The following RNF41 variants were observed in gnomAD, a reference collection of about 807,000 sequenced individuals.
The protein encoded by RNF41 is ring finger protein 41.
Under a neutral mutation model 33.0 loss-of-function variants are expected in RNF41, and 4 were observed. The observed-to-expected ratio is 0.12, with a 90% confidence interval of 0.06 to 0.28. The LOEUF is 0.28. RNF41 is among the 10% of genes least tolerant of loss of function. The pLI is 1.00. For missense variants in RNF41, 228 were observed against 432.6 expected (o/e 0.53, Z 4.19); for synonymous variants, 164 against 153.2 (o/e 1.07, Z -0.52).
chr12:56,207,199 A>C (rs1388052455), intron 6 of RNF41: 2 of 1,329,634 alleles, frequency 1.5e-6, no homozygotes. Context: ...AGGACTCCAG[A>C]ACTGAAAGAG....
chr12:56,217,392 T>A (rs1230986485), intron 1 of RNF41, among the ~76,000 whole-genome samples: 9 of 150,808 alleles, frequency 6.0e-5, no homozygotes, highest in Non-Finnish European at 1.3e-4. Context: ...ACTAAAAATA[T>A]AAAAATTAGC....
chr12:56,211,437 G>C (rs568086213), intron 3 of RNF41, among the ~76,000 whole-genome samples: 4 of 151,862 alleles, frequency 2.6e-5, no homozygotes, highest in Non-Finnish European at 5.9e-5. Flanking sequence ...ATAACAATAA[G>C]AGATACAAAT....
Position 56,210,506 on chromosome 12 carries a change from C to G in RNF41, c.153G>C (p.Gln51His). The G allele has an allele frequency of 6.2e-7, 1 of 1,614,160 alleles. No individual in the cohort carries two copies. Among genetic ancestry groups the G allele is most frequent in the Non-Finnish European group, 8.5e-7 (1 of 1,180,038 alleles). ...CAACACTACGGTCCACTGGACATGT[C>G]TGTTGCTGAGAGAACCACTGGGTGA... ...ACITQWFSQQ[Q>H]TCPVDRSVVT... Residue 51 changes from glutamine (Q) to histidine (H), a missense_variant, in exon 4 of 7, where the codon CAG becomes CAC. Transcript: ENST00000345093.
chr12:56,207,503 CCT>C, intron 6 of RNF41, 141 bp downstream of exon 6: 1 of 778,106 alleles, frequency 1.3e-6, no homozygotes, highest in Non-Finnish European at 2.3e-6. Context: ...CTCCTCTGCC[CCT>C]GTCCTTAATG....
At chr12:56,214,427 G>A (rs1482251246) in intron 2 of RNF41, among the ~76,000 whole-genome samples, 1 of 151,562 alleles carries the variant, frequency 6.6e-6, no homozygotes, top group Non-Finnish European at 1.5e-5. Context: ...GGCTGAGGCA[G>A]GAGAAGCATT....
chr12:56,207,018 G>GTC, intron 6 of RNF41: 1 of 1,144,948 alleles, frequency 8.7e-7, no homozygotes, highest in Non-Finnish European at 1.2e-6. Context: ...TCTGCACTCT[G>GTC]TCTCTGTTAC....
chr12:56,216,302 G>C (rs1868888741), intron 2 of RNF41, 127 bp downstream of exon 2: 1 of 152,316 alleles, frequency 6.6e-6, no homozygotes, highest in Admixed American at 6.5e-5. Context: ...AAATGGTACA[G>C]ATTAATCACA....
chr12:56,210,719 G>C, intron 3 of RNF41, 151 bp from the exon 4 acceptor site: 1 of 743,788 alleles, frequency 1.3e-6, no homozygotes. Context: ...GATCTACTAC[G>C]GGCAAGGCAT....
chr12:56,209,749 G>A (rs894279084), intron 4 of RNF41, among the ~76,000 whole-genome samples: 6 of 152,164 alleles, frequency 3.9e-5, no homozygotes, highest in South Asian at 2.1e-4. Flanking sequence ...GAGCCACCGC[G>A]CCCGGCCCCA....
At chr12:56,221,544 C>T (rs1869441829) in intron 1 of RNF41, 1 of 152,586 alleles carries the variant, frequency 6.6e-6, no homozygotes, top group South Asian at 2.1e-4. Context: ...CTCCCCTATT[C>T]CAATGGACCT....
Position 56,206,446 on chromosome 12 carries a change from CTT to C in RNF41, c.953_954del (p.Ter318=). 1 of 1,606,686 alleles carries C rather than the reference CTT, an allele frequency of 6.2e-7. No individual in the cohort carries two copies. Among genetic ancestry groups the C allele is most frequent in the Non-Finnish European group, 8.5e-7 (1 of 1,175,250 alleles). ...MIFAHGVEEI[*>X] is the part of the protein sequence containing the mutation. ...TCTTCCTGATAGCCAGTCGAGTTCT[CTT>C]ATATCTCTTCCACGCCATGCGCAAA... On this transcript the variant is annotated frameshift_variant and stop_lost, in exon 7 of 7. Transcript: ENST00000345093. LOFTEE classifies it high-confidence loss of function. The surrounding 1 kb of genome is among the most constrained non-coding windows in gnomAD (Gnocchi z 5.7).
At chr12:56,207,596 G>A in intron 6 of RNF41, 50 bp downstream of exon 6, 3 of 1,358,506 alleles carry the variant, frequency 2.2e-6, no homozygotes, top group Non-Finnish European at 3.2e-6. Flanking sequence ...CCTCCTTTCA[G>A]GCCTTGTTGT....
Position 56,203,401 on chromosome 12 carries a change from T to G in RNF41, c.*3046A>C, listed in dbSNP as rs1047772576. On this transcript the variant is annotated 3_prime_UTR_variant, in exon 7 of 7. Coordinates refer to ENST00000345093, the MANE Select transcript of RNF41 (RefSeq NM_005785.4). ...AGCAGCAAATACTTATGAAGACTGG[T>G]TTTTTTTTTTTTTTTTTTGAGACGG... 7.7e-6 allele frequency: 1 copy of G among 129,214 alleles called. No individual in the cohort carries two copies. Among genetic ancestry groups the G allele is most frequent in the African/African-American group, 4.0e-5 (1 of 24,802 alleles). The allele number at this position is 129,214 out of a possible 1,614,324, so 8.0% of individuals were successfully genotyped here.
At chr12:56,219,668 T>TACACACAC (rs375047200) in intron 1 of RNF41, among the ~76,000 whole-genome samples, 2,491 of 150,518 alleles carry the variant, frequency 0.017, 38 homozygotes, top group Non-Finnish European at 0.024. Context: ...TATATGTGTA[T>TACACACAC]ATACACGCGC....
chr12:56,206,548 C>G lies in RNF41; in HGVS notation c.853G>C (p.Ala285Pro). ...YVAKRIPGKQ[A>P]VVVMACENQH... ...TTCTCACAGGCCATCACGACAACAG[C>G]CTGCTTGCCAGGGATGCGCTTGGCC... is the stretch of plus-strand genomic sequence containing the variant. Residue 285 changes from alanine (A) to proline (P), a missense_variant, in exon 7 of 7, where the codon GCT (alanine) becomes CCT (proline). By Grantham distance (27) the Ala-to-Pro change is conservative. Transcript: ENST00000345093. The surrounding 1 kb of genome is among the most constrained non-coding windows in gnomAD (Gnocchi z 5.7). 1 of 1,614,216 alleles carries G rather than the reference C, an allele frequency of 6.2e-7. No individual in the cohort carries two copies.
rs929307954 is a variant in RNF41 at position 56,213,137 on chromosome 12, G to A, written c.90+821C>T. 15 of 1,287,336 alleles carry A rather than the reference G, an allele frequency of 1.2e-5. No individual in the cohort carries two copies. The South Asian group carries it at 1.7e-4, about 15-fold the overall frequency. The allele number at this position is 1,287,336 out of a possible 1,614,324, so 79.7% of individuals were successfully genotyped here. A position where few individuals can be genotyped will look rare whatever the true frequency, so the allele number is the denominator to read the frequency against. On this transcript the variant is annotated intron_variant, in intron 3 of 6. Coordinates refer to ENST00000345093, the MANE Select transcript of RNF41 (RefSeq NM_005785.4). ...GAGTGCATGGCTGTATCAAAAGCTG[G>A]TCTTTTCAGTAGATCCCAGGAAAAA...
chr12:56,209,886 G>A (rs1249201231), intron 4 of RNF41, among the ~76,000 whole-genome samples: 1 of 152,226 alleles, frequency 6.6e-6, no homozygotes, highest in Non-Finnish European at 1.5e-5. Context: ...TTACAGGTGT[G>A]AGCTAACATG....
At chr12:56,219,212 G>A (rs927030542) in intron 1 of RNF41, among the ~76,000 whole-genome samples, 4 of 146,120 alleles carry the variant, frequency 2.7e-5, no homozygotes, top group African/African-American at 1.0e-4. Context: ...TTTTTTTTGA[G>A]ACGGAGTCTG....
At chr12:56,207,295 C>G (rs1238923865) in intron 6 of RNF41, 1 of 1,344,796 alleles carries the variant, frequency 7.4e-7, no homozygotes, top group Non-Finnish European at 9.7e-7. Flanking sequence ...CTCCTCTTCT[C>G]TGGGTTGTAA....
Sources: allele counts gnomAD v4.1 joint callset (sites outside exome capture counted in the v4.1 genomes callset), GRCh38; gene constraint gnomAD v4.1.1; non-coding constraint Gnocchi (gnomAD v3.1); transcripts MANE v1.5; gene names NCBI Gene and HGNC (gene_info 2026-07-23, HGNC 2026-07-21).